The following NPM1 variants were observed in gnomAD, a reference collection of about 807,000 sequenced individuals.
NPM1 encodes the protein nucleophosmin 1, also known as nucleophosmin.
A neutral mutation model predicts 44.1 loss-of-function variants in NPM1; 1 was observed. That is an observed-to-expected ratio of 0.02 (90% CI 0.01 to 0.11). NPM1 has a LOEUF of 0.11. Ranked by LOEUF, NPM1 falls within the 10% of genes least tolerant of loss-of-function variation. The pLI is 1.00. For synonymous variants in NPM1, 126 were observed against 111.8 expected (o/e 1.13, Z -0.80); for missense variants, 197 against 347.8 (o/e 0.57, Z 3.45).
chr5:171,388,334 T>G (rs1581234964), intron 1 of NPM1, among the ~76,000 whole-genome samples: 1 of 152,098 alleles, frequency 6.6e-6, no homozygotes, highest in Non-Finnish European at 1.5e-5. Flanking sequence ...CCAGGCGTGG[T>G]TTATTTTCTA....
At chr5:171,408,161 T>TTC (rs1554137987) in intron 10 of NPM1, among the ~76,000 whole-genome samples, 2 of 151,476 alleles carry the variant, frequency 1.3e-5, no homozygotes, top group African/African-American at 2.4e-5. Context: ...TTTTTTTTTT[T>TTC]CCTAGATCTT....
intron 6 of NPM1, among the ~76,000 whole-genome samples, chr5:171,393,184 T>C (rs889004432): frequency 2.0e-5 from 3 of 152,230 alleles, no homozygotes; most frequent in Non-Finnish European, 4.4e-5. Context: ...TGTGAGCCTT[T>C]ACAATGCTGT....
chr5:171,387,912 C>A lies in NPM1; in HGVS notation c.-37C>A. ...TGGAGCAGCGTTCTTTTATCTCCGTCCGCCTTCTCTCCTACCTAAGTGCGT... is the reference window on the plus strand; with the variant it reads ...TGGAGCAGCGTTCTTTTATCTCCGTACGCCTTCTCTCCTACCTAAGTGCGT... On this transcript the variant is annotated 5_prime_UTR_variant, in exon 1 of 11. Coordinates refer to ENST00000296930, the MANE Select transcript of NPM1 (RefSeq NM_002520.7). 1 of 1,599,034 alleles carries A rather than the reference C, an allele frequency of 6.3e-7. No individual in the cohort carries two copies.
At chr5:171,402,123 AAC>A (rs1393819170) in intron 8 of NPM1, among the ~76,000 whole-genome samples, 1 of 149,486 alleles carries the variant, frequency 6.7e-6, no homozygotes, top group African/African-American at 2.5e-5. Context: ...CATATTCTAC[AAC>A]ACATATAATC....
rs377348662 is a variant in NPM1 at position 171,405,378 on chromosome 5, C to A, written c.746C>A (p.Ala249Glu). The A allele has an allele frequency of 1.3e-6, 2 of 1,567,162 alleles. No homozygotes were observed. The highest frequency in any genetic ancestry group is 1.7e-6 in the Non-Finnish European group (2 of 1,144,174). Residue 249 changes from alanine (A) to glutamate (E), a missense_variant, in exon 9 of 11, where the codon GCA becomes GAA. This residue lies in a region of NPM1 where 47 missense variants were observed against 106.5 expected (regional missense o/e 0.44). Transcript: ENST00000296930. ...KGPSSVEDIK[A>E]KMQASIEKGG... ...CCTAGTTCTGTAGAAGACATTAAAGCAAAAATGCAAGCAAGTATAGAAAAA... is the reference window on the plus strand; with the variant it reads ...CCTAGTTCTGTAGAAGACATTAAAGAAAAAATGCAAGCAAGTATAGAAAAA...
chr5:171,396,554 GT>G (rs1770895697), intron 6 of NPM1, among the ~76,000 whole-genome samples: 1 of 152,154 alleles, frequency 6.6e-6, no homozygotes, highest in African/African-American at 2.4e-5. Context: ...AAAGATAGGT[GT>G]TTCTTACATG....
At chr5:171,400,813 T>C (rs746139229) in intron 7 of NPM1, 26 bp from the exon 8 acceptor site, 1 of 1,459,932 alleles carries the variant, frequency 6.8e-7, no homozygotes, top group Non-Finnish European at 9.6e-7. Flanking sequence ...TCAGGGACAG[T>C]GATTAAGATA....
chr5:171,390,344 T>C (rs1770507934), intron 2 of NPM1, among the ~76,000 whole-genome samples: 1 of 152,226 alleles, frequency 6.6e-6, no homozygotes, highest in African/African-American at 2.4e-5. Context: ...CCAGTCACAC[T>C]GTTCAACTTG....
intron 1 of NPM1, 130 bp downstream of exon 1, chr5:171,388,136 G>A: frequency 1.2e-6 from 1 of 851,318 alleles, no homozygotes; most frequent in Non-Finnish European, 1.9e-6. Context: ...GCCTGAGCGG[G>A]TGGGAAGAGC....
intron 4 of NPM1, 62 bp downstream of exon 4, chr5:171,391,861 C>G (rs1770591009): frequency 1.0e-6 from 1 of 988,152 alleles, no homozygotes. Context: ...TGCTTGGTTC[C>G]CAGTTTGGAC....
chr5:171,388,973 C>T (rs564469340), intron 1 of NPM1, among the ~76,000 whole-genome samples: 2 of 152,338 alleles, frequency 1.3e-5, no homozygotes, highest in South Asian at 2.1e-4. Context: ...GGGACGTCCT[C>T]GCATGCCGCC....
intron 6 of NPM1, among the ~76,000 whole-genome samples, chr5:171,395,962 A>ATTTT (rs200119475): frequency 5.4e-4 from 72 of 133,434 alleles, no homozygotes; most frequent in African/African-American, 1.8e-3. Flanking sequence ...AGTAAAGCTG[A>ATTTT]ATTTTTTTTT....
At chr5:171,407,606 A>G (rs1771640159) in intron 9 of NPM1, 94 bp from the exon 10 acceptor site, 1 of 763,784 alleles carries the variant, frequency 1.3e-6, no homozygotes, top group Non-Finnish European at 2.3e-6. Context: ...AAACTGATCC[A>G]TGTAGTAGCA....
intron 10 of NPM1, among the ~76,000 whole-genome samples, chr5:171,409,508 A>G (rs998648065): frequency 6.6e-6 from 1 of 152,098 alleles, no homozygotes; most frequent in Non-Finnish European, 1.5e-5. Context: ...GCGCCACTGC[A>G]CTCCAGTCTG....
At chr5:171,409,444 CAA>C (rs1220988451) in intron 10 of NPM1, among the ~76,000 whole-genome samples, 2 of 152,136 alleles carry the variant, frequency 1.3e-5, no homozygotes, top group Non-Finnish European at 2.9e-5. Context: ...CCCACCTACT[CAA>C]GAGGCGGAGG....
At chr5:171,400,307 T>TGGGAGATCATCTCATACTGA (rs139696681) in intron 7 of NPM1, 97 bp downstream of exon 7, 417,277 of 1,233,150 alleles carry the variant, frequency 0.34, 85,926 homozygotes, top group East Asian at 0.53. Context: ...GAAGCTGGTG[T>TGGGAGATCATCTCATACTGA]GGGAGATCAT....
At position 171,387,871 on chromosome 5, in the gene NPM1, C is replaced by T. The variant is rs1051760768; in HGVS notation, c.-78C>T. On this transcript the variant is annotated 5_prime_UTR_variant, in exon 1 of 11. Transcript: ENST00000296930. The stretch of plus-strand genomic sequence containing the variant: ...GTCCTTTCCCTGGTGTGATTCCGTC[C>T]TGCGCGGTTGTTCTCTGGAGCAGCG... 1.7e-5 allele frequency: 23 copies of T among 1,344,360 alleles called. No individual in the cohort carries two copies. The highest frequency in any genetic ancestry group is 5.2e-5 in the Admixed American group (3 of 58,144). The allele number at this position is 1,344,360 out of a possible 1,614,324, so 83.3% of individuals were successfully genotyped here. A position where few individuals can be genotyped will look rare whatever the true frequency, so the allele number is the denominator to read the frequency against.
chr5:171,396,243 A>G (rs1398955446), intron 6 of NPM1, among the ~76,000 whole-genome samples: 1 of 152,208 alleles, frequency 6.6e-6, no homozygotes, highest in African/African-American at 2.4e-5. Context: ...AGCCTCCCAG[A>G]GTGCTGAGAT....
chr5:171,398,362 G>A (rs1300288126), intron 6 of NPM1, among the ~76,000 whole-genome samples: 1 of 152,150 alleles, frequency 6.6e-6, no homozygotes, highest in African/African-American at 2.4e-5. Context: ...GTAAACTTAT[G>A]TGTATGGTGT....
Sources: allele counts gnomAD v4.1 joint callset (sites outside exome capture counted in the v4.1 genomes callset), GRCh38; gene constraint gnomAD v4.1.1; regional missense constraint gnomAD v4.1.1; transcripts MANE v1.5; gene names NCBI Gene and HGNC (gene_info 2026-07-23, HGNC 2026-07-21).